SNTG1: variants seen among roughly 807,000 people sequenced by gnomAD.
The protein encoded by SNTG1 is syntrophin gamma 1, also known as gamma-1-syntrophin.
In SNTG1, 39 loss-of-function variants were observed where a neutral mutation model predicts 74.7. That is an observed-to-expected ratio of 0.52 (90% CI 0.40 to 0.68). SNTG1 has a LOEUF of 0.68. Ranked by LOEUF, SNTG1 falls within the 30% of genes least tolerant of loss-of-function variation. SNTG1 has a pLI of 0.00. For missense variants in SNTG1, 685 were observed against 609.5 expected, an observed-to-expected ratio of 1.12 and a Z score of -1.30; for synonymous variants, 254 against 217.1, an observed-to-expected ratio of 1.17 and a Z score of -1.49.
intron 17 of SNTG1, among the ~76,000 whole-genome samples, chr8:50,737,161 GC>G (rs2095530971): frequency 6.6e-6 from 1 of 151,796 alleles, no homozygotes; most frequent in Non-Finnish European, 1.5e-5. Context: ...TAGACCACTA[GC>G]CGGACTAATA....
chr8:50,122,346 A>G (rs1323089725), intron 1 of SNTG1, among the ~76,000 whole-genome samples: 1 of 141,912 alleles, frequency 7.0e-6, no homozygotes, highest in Non-Finnish European at 1.6e-5. Flanking sequence ...GAGGGGATGC[A>G]GCTGGGAGAA....
intron 13 of SNTG1, among the ~76,000 whole-genome samples, chr8:50,631,430 C>T (rs544105151): frequency 6.6e-6 from 1 of 152,242 alleles, no homozygotes; most frequent in East Asian, 1.9e-4. Context: ...TAACCAGAAC[C>T]CATTTTGTGT....
intron 1 of SNTG1, among the ~76,000 whole-genome samples, chr8:49,973,795 C>T (rs146679367): frequency 1.5e-4 from 23 of 152,104 alleles, no homozygotes; most frequent in African/African-American, 5.3e-4. Context: ...AAAATGAAAA[C>T]AACAATGATA....
intron 15 of SNTG1, among the ~76,000 whole-genome samples, chr8:50,693,195 C>A (rs894961170): frequency 7.9e-5 from 12 of 152,186 alleles, no homozygotes; most frequent in African/African-American, 2.9e-4. Context: ...TGACCCCTTG[C>A]ACTTCCCGGG....
chr8:50,321,839 C>A (rs1418271550), intron 2 of SNTG1, among the ~76,000 whole-genome samples: 1 of 152,036 alleles, frequency 6.6e-6, no homozygotes, highest in East Asian at 1.9e-4. Context: ...TTTGTTCCCC[C>A]AATTTTTAAG....
At chr8:50,487,743 G>C (rs947919079) in intron 8 of SNTG1, among the ~76,000 whole-genome samples, 1 of 151,694 alleles carries the variant, frequency 6.6e-6, no homozygotes, top group African/African-American at 2.4e-5. Context: ...GCTTGATGAC[G>C]AGTTAGTGGG....
chr8:50,333,801 C>A (rs527985031), intron 2 of SNTG1, among the ~76,000 whole-genome samples: 63 of 152,122 alleles, frequency 4.1e-4, no homozygotes, highest in Middle Eastern at 3.4e-3. Context: ...GGAATCAAAT[C>A]CTCCAGAAAA....
chr8:50,176,259 GCC>G (rs1442326237), intron 2 of SNTG1, among the ~76,000 whole-genome samples: 1 of 152,002 alleles, frequency 6.6e-6, no homozygotes, highest in East Asian at 1.9e-4. Context: ...AACTTCTATT[GCC>G]CCATGTGCCA....
chr8:50,043,329 T>C (rs969949938), intron 1 of SNTG1, among the ~76,000 whole-genome samples: 7 of 152,230 alleles, frequency 4.6e-5, no homozygotes, highest in African/African-American at 1.7e-4. Flanking sequence ...TCTGGAATTA[T>C]TTCTTGCATA....
At chr8:50,250,047 G>A (rs1410420832) in intron 2 of SNTG1, among the ~76,000 whole-genome samples, 1 of 151,006 alleles carries the variant, frequency 6.6e-6, no homozygotes, top group Non-Finnish European at 1.5e-5. Context: ...GGAGATATAA[G>A]AGGATCTAGA....
chr8:49,943,634 C>T (rs1205444331), intron 1 of SNTG1, among the ~76,000 whole-genome samples: 1 of 152,196 alleles, frequency 6.6e-6, no homozygotes. Flanking sequence ...GCCCTTCTGG[C>T]CCTATAATCC....
chr8:50,058,734 T>TTG (rs71235777), intron 1 of SNTG1, among the ~76,000 whole-genome samples: 5,558 of 145,664 alleles, frequency 0.038, 254 homozygotes, highest in African/African-American at 0.11. Context: ...TTACTTACAT[T>TTG]TGTGTGTGTG....
At chr8:50,275,059 A>G (rs2088015869) in intron 2 of SNTG1, among the ~76,000 whole-genome samples, 1 of 152,032 alleles carries the variant, frequency 6.6e-6, no homozygotes, top group Non-Finnish European at 1.5e-5. Context: ...TGGTTTTGGC[A>G]TTACGGTAAT....
At chr8:50,170,483 A>T (rs770002542) in intron 1 of SNTG1, among the ~76,000 whole-genome samples, 1 of 152,192 alleles carries the variant, frequency 6.6e-6, no homozygotes, top group Non-Finnish European at 1.5e-5. Flanking sequence ...TTAAAAAAAA[A>T]TCTGGAATCA....
chr8:49,976,124 T>C (rs567863098), intron 1 of SNTG1, among the ~76,000 whole-genome samples: 1 of 152,322 alleles, frequency 6.6e-6, no homozygotes, highest in South Asian at 2.1e-4. Flanking sequence ...AGAAGCAATA[T>C]TCATCCAGAG....
chr8:50,286,468 G>A (rs1242759686), intron 2 of SNTG1: 1 of 152,082 alleles, frequency 6.6e-6, no homozygotes, highest in South Asian at 2.1e-4. Flanking sequence ...CAGTCACTTC[G>A]TTTCTACTTC....
At position 50,082,297 on chromosome 8, in the gene SNTG1, G is replaced by A. The variant is rs188924612; in HGVS notation, c.-102-90264G>A. Reference sequence around the variant, plus strand: ...AAATCTATAGACTTTAAAAATTTTTGCTAAATATTGGTTACACTCTTGTTT... The same window carrying A: ...AAATCTATAGACTTTAAAAATTTTTACTAAATATTGGTTACACTCTTGTTT... On this transcript the variant is annotated intron_variant, in intron 1 of 18. Coordinates refer to ENST00000642720, the MANE Select transcript of SNTG1 (RefSeq NM_018967.5). 3.3e-5 allele frequency among the ~76,000 whole-genome samples: 5 copies of A among 152,144 alleles called. No individual in the cohort carries two copies. The East Asian group carries it at 9.6e-4, about 29-fold the overall frequency.
At position 50,689,913 on chromosome 8, in the gene SNTG1, C is replaced by T. The variant is rs150182909; in HGVS notation, c.1039-14687C>T. 7.8e-3 allele frequency among the ~76,000 whole-genome samples: 1,182 copies of T among 152,232 alleles called. 17 individuals are homozygous for T. Among genetic ancestry groups the T allele is most frequent in the African/African-American group, 0.027 (1,102 of 41,526 alleles). On this transcript the variant is annotated intron_variant, in intron 15 of 18. Transcript: ENST00000642720. ...TTGGTTGGTAAGCTATTGATTATTGCGTCAATTTCAGAGCCTGTTATTGGT... is the reference window on the plus strand; with the variant it reads ...TTGGTTGGTAAGCTATTGATTATTGTGTCAATTTCAGAGCCTGTTATTGGT...
At chr8:50,394,366 A>ACG in intron 3 of SNTG1, 101 bp downstream of exon 3, 1 of 1,205,548 alleles carries the variant, frequency 8.3e-7, no homozygotes, top group East Asian at 2.5e-5. Flanking sequence ...TTGGCAGAAA[A>ACG]TGGAGAGAGG....
Sources: gnomAD v4.1 joint callset for allele counts (sites outside exome capture counted in the v4.1 genomes callset) on GRCh38, gnomAD v4.1.1 for gene constraint, MANE v1.5 for transcripts, NCBI Gene and HGNC (gene_info 2026-07-23, HGNC 2026-07-21) for gene names.